The following CPNE4 variants were observed in gnomAD, a reference collection of about 807,000 sequenced individuals.
The protein encoded by CPNE4 is copine-4.
A neutral mutation model predicts 67.9 loss-of-function variants in CPNE4; 25 were observed. The ratio of observed to expected loss-of-function variants is 0.37; its 90% confidence interval spans 0.27 to 0.51. The LOEUF (loss-of-function observed/expected upper bound fraction) is 0.51, where lower values mean the gene tolerates loss of function less well. Ranked by LOEUF, CPNE4 falls within the 20% of genes least tolerant of loss-of-function variation. CPNE4 has a pLI of 0.93. For missense variants in CPNE4, 464 were observed against 690.8 expected (o/e 0.67, Z 3.68); for synonymous variants, 242 against 244.9 (o/e 0.99, Z 0.11).
chr3:131,855,897 A>G lies in CPNE4; in HGVS notation c.180+49367T>C, dbSNP rs182392825. On this transcript the variant is annotated intron_variant, in intron 2 of 15. Transcript: ENST00000429747. ...TAATAAACAAATATTGAGTTAATAT[A>G]AAATAAAATTTATTGTAAGTTTATT... Among the ~76,000 whole-genome samples, 32 of 152,132 alleles carry G rather than the reference A, an allele frequency of 2.1e-4. 1 individual carries two copies. The East Asian group carries it at 6.2e-3, about 29-fold the overall frequency.
At chr3:131,869,221 A>G (rs2087091951) in intron 2 of CPNE4, among the ~76,000 whole-genome samples, 2 of 152,122 alleles carry the variant, frequency 1.3e-5, no homozygotes, top group African/African-American at 4.8e-5. Context: ...CCAGAAAATG[A>G]AGGGATGGGG....
chr3:131,594,817 T>C (rs903457007), intron 7 of CPNE4, among the ~76,000 whole-genome samples: 1 of 152,158 alleles, frequency 6.6e-6, no homozygotes, highest in African/African-American at 2.4e-5. Context: ...GGTTTAATTG[T>C]CTAAATAAAC....
chr3:131,537,346 C>T (rs986851576), intron 15 of CPNE4, among the ~76,000 whole-genome samples: 1 of 142,500 alleles, frequency 7.0e-6, no homozygotes, highest in African/African-American at 2.7e-5. Context: ...TGCAGTGGTG[C>T]GATCTCAGCT....
intron 1 of CPNE4, among the ~76,000 whole-genome samples, chr3:131,972,095 C>G (rs368807487): frequency 6.6e-6 from 1 of 151,616 alleles, no homozygotes; most frequent in African/African-American, 2.4e-5. Flanking sequence ...TATAAAACTT[C>G]TTATCTTCTA....
At chr3:131,746,852 T>G (rs1238925440) in intron 2 of CPNE4, among the ~76,000 whole-genome samples, 1 of 152,162 alleles carries the variant, frequency 6.6e-6, no homozygotes, top group Non-Finnish European at 1.5e-5. Context: ...TCTAAACTAT[T>G]TCCCATAATG....
chr3:131,582,344 C>T (rs1243638607), intron 8 of CPNE4, among the ~76,000 whole-genome samples: 1 of 152,110 alleles, frequency 6.6e-6, no homozygotes, highest in African/African-American at 2.4e-5. Context: ...CAGCTGGGAA[C>T]TAAGGGGAAT....
intron 7 of CPNE4, among the ~76,000 whole-genome samples, chr3:131,637,538 G>A (rs2079422002): frequency 6.6e-6 from 1 of 152,154 alleles, no homozygotes; most frequent in Non-Finnish European, 1.5e-5. Flanking sequence ...ATAAGTTTGG[G>A]ACTATGTTAA....
intron 3 of CPNE4, among the ~76,000 whole-genome samples, chr3:131,708,699 G>T (rs367966689): frequency 6.6e-6 from 1 of 151,906 alleles, no homozygotes; most frequent in African/African-American, 2.4e-5. Flanking sequence ...AAGGCTCTGT[G>T]GGGGGACATT....
At chr3:131,774,637 A>G (rs2083250741) in intron 2 of CPNE4, among the ~76,000 whole-genome samples, 1 of 152,140 alleles carries the variant, frequency 6.6e-6, no homozygotes, top group Non-Finnish European at 1.5e-5. Context: ...TACCAAGACA[A>G]TGCAATATGA....
chr3:131,760,058 G>A (rs1345582613), intron 2 of CPNE4, among the ~76,000 whole-genome samples: 3 of 152,176 alleles, frequency 2.0e-5, no homozygotes, highest in African/African-American at 7.2e-5. Context: ...ACTCACTTAT[G>A]TAAAAATCTT....
chr3:131,829,060 T>C (rs1275474527), intron 2 of CPNE4, among the ~76,000 whole-genome samples: 1 of 152,126 alleles, frequency 6.6e-6, no homozygotes, highest in African/African-American at 2.4e-5. Context: ...AGTCACGTCT[T>C]ACATGGATGG....
At chr3:131,650,889 T>C (rs2079800654) in intron 7 of CPNE4, among the ~76,000 whole-genome samples, 1 of 151,926 alleles carries the variant, frequency 6.6e-6, no homozygotes, top group African/African-American at 2.4e-5. Context: ...AAATGCATAG[T>C]AAAAAATGGT....
intron 2 of CPNE4, among the ~76,000 whole-genome samples, chr3:131,898,434 A>G (rs1185532127): frequency 6.6e-6 from 1 of 152,160 alleles, no homozygotes; most frequent in Admixed American, 6.6e-5. Context: ...GCAGGAAGCC[A>G]GATGTTATTC....
chr3:131,954,027 T>A (rs149415569), intron 1 of CPNE4, among the ~76,000 whole-genome samples: 13 of 152,276 alleles, frequency 8.5e-5, no homozygotes, highest in African/African-American at 3.1e-4. Context: ...ACAATTATTA[T>A]GTATAAATAA....
At chr3:131,616,109 C>G (rs919305979) in intron 7 of CPNE4, among the ~76,000 whole-genome samples, 3 of 152,074 alleles carry the variant, frequency 2.0e-5, no homozygotes, top group Non-Finnish European at 4.4e-5. Flanking sequence ...TGTACATTGA[C>G]CAGAGCCTAT....
intron 2 of CPNE4, among the ~76,000 whole-genome samples, chr3:131,815,005 A>G (rs1036366159): frequency 6.6e-6 from 1 of 152,158 alleles, no homozygotes; most frequent in Non-Finnish European, 1.5e-5. Context: ...GGAGGCCAAC[A>G]CCATTTTAAG....
intron 10 of CPNE4, among the ~76,000 whole-genome samples, chr3:131,566,454 A>G (rs895556416): frequency 4.0e-5 from 6 of 151,684 alleles, no homozygotes; most frequent in Non-Finnish European, 8.8e-5. Flanking sequence ...AAGTAAGACC[A>G]TAGGTGAGGC....
chr3:131,941,815 G>A (rs567030452), intron 1 of CPNE4, among the ~76,000 whole-genome samples: 18 of 152,110 alleles, frequency 1.2e-4, no homozygotes, highest in South Asian at 8.3e-4. Flanking sequence ...TAATCTTAAT[G>A]AGTATAAAAT....
intron 2 of CPNE4, among the ~76,000 whole-genome samples, chr3:131,802,580 C>T (rs11925853): frequency 0.021 from 3,125 of 152,200 alleles, 119 homozygotes; most frequent in African/African-American, 0.071. Context: ...CAGGACAGCA[C>T]GGACAGACAC....
Sources: gnomAD v4.1 joint callset for allele counts (sites outside exome capture counted in the v4.1 genomes callset) on GRCh38, gnomAD v4.1.1 for gene constraint, MANE v1.5 for transcripts, NCBI Gene and HGNC (gene_info 2026-07-23, HGNC 2026-07-21) for gene names.